The following SEZ6L variants were observed in gnomAD, a reference collection of about 807,000 sequenced individuals.
SEZ6L encodes seizure 6-like protein.
Under a neutral mutation model 106.2 loss-of-function variants are expected in SEZ6L, and 37 were observed. The ratio of observed to expected loss-of-function variants is 0.35; its 90% CI spans 0.27 to 0.46. SEZ6L has a LOEUF of 0.46. SEZ6L is among the 20% of genes least tolerant of loss of function. The pLI is 1.00. For synonymous variants in SEZ6L, 541 were observed against 570.4 expected (o/e 0.95, Z 0.73); for missense variants, 1,172 against 1,332.8 (o/e 0.88, Z 1.88).
intron 1 of SEZ6L, among the ~76,000 whole-genome samples, chr22:26,200,403 C>T (rs368617353): frequency 1.3e-5 from 2 of 152,180 alleles, no homozygotes; most frequent in African/African-American, 4.8e-5. Context: ...ACCGCTTCTG[C>T]TTTCAAGGGG....
intron 13 of SEZ6L, among the ~76,000 whole-genome samples, chr22:26,366,911 T>C (rs1212048586): frequency 2.0e-5 from 3 of 152,044 alleles, no homozygotes; most frequent in Non-Finnish European, 2.9e-5. Flanking sequence ...TGCCTCTGAG[T>C]AGCTGGGATT....
intron 1 of SEZ6L, among the ~76,000 whole-genome samples, chr22:26,276,413 T>C (rs1361714230): frequency 6.6e-6 from 1 of 152,236 alleles, no homozygotes; most frequent in East Asian, 1.9e-4. Context: ...TCCTTGTAAG[T>C]ACCTGGGAAG....
Position 26,224,002 on chromosome 22 carries a change from C to T in SEZ6L, c.94+54239C>T, listed in dbSNP as rs1444099979. 3.9e-5 allele frequency among the ~76,000 whole-genome samples: 6 copies of T among 152,090 alleles called. No homozygotes were observed. The East Asian group carries it at 7.7e-4, about 20-fold the overall frequency. ...GAACTAATTACTATTAAATTGGCCT[C>T]GTTATTAAGCATCAAGGGATCAATG... On this transcript the variant is annotated intron_variant, in intron 1 of 16. Coordinates refer to ENST00000248933, the MANE Select transcript of SEZ6L (RefSeq NM_021115.5).
At chr22:26,275,933 AG>A (rs1216841015) in intron 1 of SEZ6L, among the ~76,000 whole-genome samples, 1 of 152,164 alleles carries the variant, frequency 6.6e-6, no homozygotes, top group Non-Finnish European at 1.5e-5. Flanking sequence ...CAGGATTCAG[AG>A]GCTGGCTGGA....
At chr22:26,340,306 A>G in intron 9 of SEZ6L, 130 bp from the exon 10 acceptor site, 1 of 790,468 alleles carries the variant, frequency 1.3e-6, no homozygotes, top group Non-Finnish European at 2.0e-6. Flanking sequence ...GCTTGGGGTT[A>G]AGACACATAG....
At chr22:26,310,870 G>A in intron 7 of SEZ6L, 34 bp downstream of exon 7, 1 of 1,603,402 alleles carries the variant, frequency 6.2e-7, no homozygotes, top group Non-Finnish European at 8.5e-7. Context: ...TTTCTCTTGT[G>A]GGGCTGGGGG....
chr22:26,327,625 AAC>A (rs1323671734), intron 9 of SEZ6L, among the ~76,000 whole-genome samples: 2 of 143,654 alleles, frequency 1.4e-5, no homozygotes, highest in Non-Finnish European at 3.0e-5. Flanking sequence ...CATGACACTA[AAC>A]ACACACCACA....
chr22:26,299,145 A>C lies in SEZ6L; in HGVS notation c.1324A>C (p.Ser442Arg). ...TCINASKPHWSSQEPICSAPC... is the reference protein window; with the variant it reads ...TCINASKPHWRSQEPICSAPC... ...CATCAATGCCTCCAAGCCGCACTGG[A>C]GCAGCCAGGAGCCCATCTGCTCAGG... Residue 442 changes from serine (S) to arginine (R), a missense_variant, in exon 5 of 17, where the codon AGC becomes CGC. Physicochemically the swap from Ser to Arg is moderately radical, Grantham distance 110 (BLOSUM62 -1). This residue lies in a region of SEZ6L where 534 missense variants were observed against 691.0 expected (regional missense o/e 0.77). Transcript: ENST00000248933. 1 of 1,557,012 alleles carries C rather than the reference A, an allele frequency of 6.4e-7. No homozygotes were observed. Among genetic ancestry groups the C allele is most frequent in the Non-Finnish European group, 8.7e-7 (1 of 1,149,196 alleles).
intron 1 of SEZ6L, among the ~76,000 whole-genome samples, chr22:26,243,879 G>A (rs949809136): frequency 6.6e-6 from 1 of 151,746 alleles, no homozygotes; most frequent in African/African-American, 2.4e-5. Context: ...GATGAGCAGG[G>A]AGACCTGGCG....
chr22:26,261,406 G>A (rs1015446107), intron 1 of SEZ6L, among the ~76,000 whole-genome samples: 8 of 152,312 alleles, frequency 5.3e-5, no homozygotes, highest in Middle Eastern at 3.4e-3. Flanking sequence ...GTTGATTTTT[G>A]TATAAGGTGA....
At chr22:26,294,627 C>T (rs1242805499) in intron 3 of SEZ6L, among the ~76,000 whole-genome samples, 2 of 152,086 alleles carry the variant, frequency 1.3e-5, no homozygotes, top group Non-Finnish European at 2.9e-5. Flanking sequence ...ATAGAGGGAA[C>T]ATGCTGACAA....
intron 1 of SEZ6L, among the ~76,000 whole-genome samples, chr22:26,280,674 A>C (rs931658822): frequency 6.6e-6 from 1 of 152,174 alleles, no homozygotes; most frequent in Non-Finnish European, 1.5e-5. Context: ...TCATAGTTCA[A>C]TTCTGAGCTG....
chr22:26,329,927 G>C (rs1252288303), intron 9 of SEZ6L, among the ~76,000 whole-genome samples: 1 of 150,244 alleles, frequency 6.7e-6, no homozygotes, highest in Admixed American at 6.6e-5. Context: ...TTTGATTCTT[G>C]TTTTTCCTTT....
rs372770820 is a variant in SEZ6L at position 26,348,586 on chromosome 22, GAGAA to G, written c.2407+693_2407+696del. ...GGGAGGAAAGAAAGAAAGAAAGAAAGAGAAAGAAAGAAAGAAAGAAAGAGAAAAA... is the reference window on the plus strand; with the variant it reads ...GGGAGGAAAGAAAGAAAGAAAGAAAGAGAAAGAAAGAAAGAAAGAGAAAAA... On this transcript the variant is annotated intron_variant, in intron 11 of 16. Transcript: ENST00000248933. Among the ~76,000 whole-genome samples, 77 of 57,868 alleles carry G rather than the reference GAGAA, an allele frequency of 1.3e-3. 1 individual carries two copies. The highest frequency in any genetic ancestry group is 0.012 in the East Asian group (20 of 1,634). The allele number at this position is 57,868 out of a possible 152,430, so 38.0% of individuals were successfully genotyped here.
chr22:26,282,384 A>T (rs1455520763), intron 1 of SEZ6L, among the ~76,000 whole-genome samples: 1 of 152,232 alleles, frequency 6.6e-6, no homozygotes, highest in Non-Finnish European at 1.5e-5. Context: ...CAGCTTTGGG[A>T]CATGACCAGG....
rs141651687 is a variant in SEZ6L, at chr22:26,278,146, G to A, written c.95-14260G>A. Among the ~76,000 whole-genome samples the A allele has an allele frequency of 1.6e-3, 240 of 152,302 alleles. 2 individuals carry two copies. Among genetic ancestry groups the A allele is most frequent in the African/African-American group, 5.6e-3 (232 of 41,554 alleles). ...AGGTAAGGAGTTTGAAGTTTACCAGGCAGGGAAGGGGCGGTTTAGAACGAT... is the reference window on the plus strand; with the variant it reads ...AGGTAAGGAGTTTGAAGTTTACCAGACAGGGAAGGGGCGGTTTAGAACGAT... On this transcript the variant is annotated intron_variant, in intron 1 of 16. Transcript: ENST00000248933.
intron 1 of SEZ6L, among the ~76,000 whole-genome samples, chr22:26,185,621 A>G (rs1050121729): frequency 1.3e-5 from 2 of 152,178 alleles, no homozygotes; most frequent in African/African-American, 4.8e-5. Context: ...CACCTGGATG[A>G]TTCGACCCCC....
chr22:26,305,742 C>T lies in SEZ6L; in HGVS notation c.1349-237C>T, dbSNP rs73158623. On this transcript the variant is annotated intron_variant, in intron 5 of 16. Transcript: ENST00000248933. ...GATGGTTCCAATTGTAGGGTGAAAT[C>T]TCCTGTCAAACAGGATTCCCTCCCA... Among the ~76,000 whole-genome samples the T allele has an allele frequency of 6.3e-3, 966 of 152,326 alleles. 3 individuals are homozygous for T. Among genetic ancestry groups the T allele is most frequent in the Middle Eastern group, 0.02 (6 of 294 alleles).
intron 1 of SEZ6L, among the ~76,000 whole-genome samples, chr22:26,273,480 C>CCA (rs2080438567): frequency 1.3e-5 from 2 of 152,264 alleles, no homozygotes; most frequent in African/African-American, 4.8e-5. Context: ...GGCCTCAGGC[C>CCA]CACACACATC....
Sources: allele counts gnomAD v4.1 joint callset (sites outside exome capture counted in the v4.1 genomes callset), GRCh38; gene constraint gnomAD v4.1.1; regional missense constraint gnomAD v4.1.1; transcripts MANE v1.5; gene names NCBI Gene and HGNC (gene_info 2026-07-23, HGNC 2026-07-21).